The following DSC2 variants were observed in gnomAD, a reference collection of about 807,000 sequenced individuals.
The protein encoded by DSC2 is desmocollin 2.
A neutral mutation model predicts 87.6 loss-of-function variants in DSC2; 51 were observed. That is an observed-to-expected ratio of 0.58 (90% CI 0.46 to 0.74). The LOEUF (loss-of-function observed/expected upper bound fraction) is 0.74. DSC2 is among the 30% of genes least tolerant of loss of function. DSC2 has a pLI of 0.00. For synonymous variants in DSC2, 383 were observed against 393.2 expected, an observed-to-expected ratio of 0.97 and a Z score of 0.31; for missense variants, 1,066 against 1,089.5, an observed-to-expected ratio of 0.98 and a Z score of 0.30.
At chr18:31,068,868 T>C in intron 15 of DSC2, 26 bp downstream of exon 15, 1 of 1,612,302 alleles carries the variant, frequency 6.2e-7, no homozygotes, top group Non-Finnish European at 8.5e-7. Flanking sequence ...TTAAAATAGA[T>C]TTGTAGGCCA....
At chr18:31,097,635 A>G (rs1987804736) in intron 1 of DSC2, among the ~76,000 whole-genome samples, 1 of 151,864 alleles carries the variant, frequency 6.6e-6, no homozygotes, top group South Asian at 2.1e-4. Flanking sequence ...CAGATATTAC[A>G]AATCATATAA....
chr18:31,071,520 T>G (rs1986825470), intron 13 of DSC2, 85 bp downstream of exon 13: 1 of 1,237,460 alleles, frequency 8.1e-7, no homozygotes, highest in East Asian at 2.3e-5. Flanking sequence ...CACTCCAGCC[T>G]GGGCTCTGTC....
At position 31,065,954 on chromosome 18, in the gene DSC2, T is replaced by C. The variant is rs73952590; in HGVS notation, c.*2061A>G. ...TGTCTTAATTGACCTTTTGTTAACA[T>C]GAAATGAATTGTACATGTGACTTGT... is the stretch of plus-strand genomic sequence containing the variant. On this transcript the variant is annotated 3_prime_UTR_variant, in exon 16 of 16. Transcript: ENST00000280904. 254 of 152,346 alleles carry C rather than the reference T, an allele frequency of 1.7e-3. 1 individual carries two copies. Among genetic ancestry groups the C allele is most frequent in the African/African-American group, 5.8e-3 (243 of 41,588 alleles). 9.4% of individuals were successfully genotyped at this position (152,346 alleles called of 1,614,324 possible). A position where few individuals can be genotyped will look rare whatever the true frequency, so the allele number is the denominator to read the frequency against.
intron 2 of DSC2, 105 bp downstream of exon 2, chr18:31,093,454 T>C: frequency 1.2e-6 from 1 of 854,378 alleles, no homozygotes; most frequent in South Asian, 1.4e-5. Flanking sequence ...TCCACATCCC[T>C]TCCAAGGGAC....
rs1027437516 is a variant in DSC2, at chr18:31,060,303, T to C, written c.*7712A>G. Reference sequence around the variant, plus strand: ...AATTCTGCATCACATCTTGTGTATATTGACACCCTCTGCTCCTTTCACCTC... The same window carrying C: ...AATTCTGCATCACATCTTGTGTATACTGACACCCTCTGCTCCTTTCACCTC... On this transcript the variant is annotated 3_prime_UTR_variant, in exon 16 of 16. Coordinates refer to ENST00000280904, the MANE Select transcript of DSC2 (RefSeq NM_024422.6). The C allele has an allele frequency of 6.6e-6, 1 of 152,210 alleles. No homozygotes were observed. The highest frequency in any genetic ancestry group is 6.5e-5 in the Admixed American group (1 of 15,284). The allele number at this position is 152,210 out of a possible 1,614,324, so 9.4% of individuals were successfully genotyped here. A position where few individuals can be genotyped will look rare whatever the true frequency, so the allele number is the denominator to read the frequency against.
chr18:31,068,819 G>C lies in DSC2; in HGVS notation c.2508+75C>G. On this transcript the variant is annotated intron_variant, in intron 15 of 15. Transcript: ENST00000280904. ...GATTCATAATTAATTGAAAATTATA[G>C]TCAGAATCCAGTTAGTTATTTATAA... 2.6e-6 allele frequency: 4 copies of C among 1,550,264 alleles called. No individual in the cohort carries two copies. The South Asian group carries it at 4.5e-5, about 18-fold the overall frequency.
At position 31,059,322 on chromosome 18, in the gene DSC2, C is replaced by T. The variant is rs1000137518; in HGVS notation, c.*8693G>A. 6.6e-6 allele frequency: 1 copy of T among 152,168 alleles called. No individual in the cohort carries two copies. Among genetic ancestry groups the T allele is most frequent in the African/African-American group, 2.4e-5 (1 of 41,442 alleles). 9.4% of individuals were successfully genotyped at this position (152,168 alleles called of 1,614,324 possible). A position where few individuals can be genotyped will look rare whatever the true frequency, so the allele number is the denominator to read the frequency against. Reference sequence around the variant, plus strand: ...TAGTAAATTAATACCTATTCTTAGTCTAGATAGTGCATAACAAATTACTGA... The same window carrying T: ...TAGTAAATTAATACCTATTCTTAGTTTAGATAGTGCATAACAAATTACTGA... On this transcript the variant is annotated 3_prime_UTR_variant, in exon 16 of 16. Transcript: ENST00000280904.
At chr18:31,095,333 T>C (rs778673220) in intron 1 of DSC2, among the ~76,000 whole-genome samples, 3 of 152,084 alleles carry the variant, frequency 2.0e-5, no homozygotes, top group African/African-American at 4.8e-5. Context: ...TGGCAAATGA[T>C]GTAGGGTCTA....
rs200056085 is a variant in DSC2 at position 31,068,033 on chromosome 18, T to TTC, written c.2686_2687dup (p.Ala897LysfsTer4). On this transcript the variant is annotated frameshift_variant, in exon 16 of 16. Coordinates refer to ENST00000280904, the MANE Select transcript of DSC2 (RefSeq NM_024422.6). LOFTEE classifies it high-confidence loss of function. ...AACACACTCATCTCTTCATGCATGC[T>TTC]TCTGCTAGTGTCCTAAATTTGGGCT... is the stretch of plus-strand genomic sequence containing the variant. 0.011 allele frequency: 17,069 copies of TTC among 1,613,982 alleles called. 114 individuals carry two copies. Among genetic ancestry groups the TTC allele is most frequent in the Non-Finnish European group, 0.013 (14,959 of 1,179,934 alleles).
At chr18:31,098,524 G>T (rs1030653142) in intron 1 of DSC2, among the ~76,000 whole-genome samples, 4 of 151,756 alleles carry the variant, frequency 2.6e-5, no homozygotes, top group Non-Finnish European at 5.9e-5. Context: ...GTGCGATCTC[G>T]GTTCACTGAA....
chr18:31,068,347 A>G, intron 15 of DSC2, 135 bp from the exon 16 acceptor site: 1 of 1,612,522 alleles, frequency 6.2e-7, no homozygotes, highest in South Asian at 1.1e-5. Flanking sequence ...ATGGATTCCT[A>G]TACATAAAAA....
chr18:31,097,440 A>AAAT lies in DSC2; in HGVS notation c.70-3800_70-3798dup, dbSNP rs1219348264. Among the ~76,000 whole-genome samples, 3 of 151,844 alleles carry AAAT rather than the reference A, an allele frequency of 2.0e-5. 1 individual carries two copies. The highest frequency in any genetic ancestry group is 7.3e-5 in the African/African-American group (3 of 41,100). ...TACACTTGCAAAAAAAGAAAGACAA[A>AAAT]AATCAACAACGTATCTATATCGATT... On this transcript the variant is annotated intron_variant, in intron 1 of 15. Coordinates refer to ENST00000280904, the MANE Select transcript of DSC2 (RefSeq NM_024422.6).
At chr18:31,076,132 G>C (rs535013949) in intron 11 of DSC2, among the ~76,000 whole-genome samples, 2 of 152,284 alleles carry the variant, frequency 1.3e-5, no homozygotes, top group South Asian at 4.1e-4. Context: ...GCCTGGGGCT[G>C]TGTCTTATAT....
chr18:31,093,707 A>T, intron 1 of DSC2, 64 bp from the exon 2 acceptor site: 1 of 763,076 alleles, frequency 1.3e-6, no homozygotes, highest in Non-Finnish European at 1.7e-6. Context: ...TGTGTATATT[A>T]TTTATATAAA....
At chr18:31,090,948 C>A (rs1987572996) in intron 4 of DSC2, 80 bp downstream of exon 4, 1 of 1,578,900 alleles carries the variant, frequency 6.3e-7, no homozygotes, top group African/African-American at 1.4e-5. Flanking sequence ...ACAACTATTA[C>A]AAATAACTTC....
intron 14 of DSC2, among the ~76,000 whole-genome samples, chr18:31,069,647 G>A (rs967208157): frequency 6.6e-6 from 1 of 151,606 alleles, no homozygotes; most frequent in Non-Finnish European, 1.5e-5. Context: ...CCTGGAAGAC[G>A]GAGCTTGCAG....
In DSC2 at chr18:31,091,118, T is replaced by C; in HGVS notation, c.384A>G (p.Lys128=). 2 of 1,613,972 alleles carry C rather than the reference T, an allele frequency of 1.2e-6. No homozygotes were observed. Among genetic ancestry groups the C allele is most frequent in the Non-Finnish European group, 1.7e-6 (2 of 1,179,910 alleles). The part of the protein sequence containing the change: ...KVLKKRHTKE[K]VLRRAKRRWA... ...ATCTTCTCTTGGCGCGCCTTAGAAC[T>C]TTTTCTTTAGTATGTCTTTTCTTTA... is the stretch of plus-strand genomic sequence containing the variant. Residue 128 remains lysine (K), a synonymous_variant, in exon 4 of 16, where the codon AAA becomes AAG. Coordinates refer to ENST00000280904, the MANE Select transcript of DSC2 (RefSeq NM_024422.6).
intron 3 of DSC2, chr18:31,091,683 C>T: frequency 2.2e-6 from 1 of 448,942 alleles, no homozygotes; most frequent in Non-Finnish European, 4.5e-6. Flanking sequence ...CAATAGCATG[C>T]ATGTGGTCCA....
intron 1 of DSC2, among the ~76,000 whole-genome samples, chr18:31,093,898 A>G (rs1987686095): frequency 6.6e-6 from 1 of 151,162 alleles, no homozygotes; most frequent in African/African-American, 2.4e-5. Flanking sequence ...TAAATAAAAT[A>G]TTGGAGATAA....
Sources: gnomAD v4.1 joint callset for allele counts (sites outside exome capture counted in the v4.1 genomes callset) on GRCh38, gnomAD v4.1.1 for gene constraint, MANE v1.5 for transcripts, NCBI Gene and HGNC (gene_info 2026-07-23, HGNC 2026-07-21) for gene names.